Variants in KAZN observed in about 807,000 individuals in gnomAD.
The protein encoded by KAZN is kazrin.
Under a neutral mutation model 87.4 loss-of-function variants are expected in KAZN, and 40 were observed. The ratio of observed to expected loss-of-function variants is 0.46; its 90% CI spans 0.36 to 0.60. KAZN has a LOEUF of 0.60. Ranked by LOEUF, KAZN falls within the 20% of genes least tolerant of loss-of-function variation. The pLI is 0.00. For synonymous variants in KAZN, 466 were observed against 458.3 expected (o/e 1.02, Z -0.22); for missense variants, 898 against 1,073.9 (o/e 0.84, Z 2.29).
At chr1:14,905,445 C>G (rs1389319906) in intron 1 of KAZN, among the ~76,000 whole-genome samples, 1 of 152,194 alleles carries the variant, frequency 6.6e-6, no homozygotes, top group Non-Finnish European at 1.5e-5. Context: ...AAGGCCTGCA[C>G]TGGAAAAAGG....
chr1:14,931,954 G>A (rs982313687), intron 1 of KAZN, among the ~76,000 whole-genome samples: 1 of 152,134 alleles, frequency 6.6e-6, no homozygotes, highest in Non-Finnish European at 1.5e-5. Context: ...CTACTAGAAA[G>A]AGGCACGTGC....
At chr1:14,606,312 A>G (rs1193601739) in intron 1 of KAZN, among the ~76,000 whole-genome samples, 1 of 152,190 alleles carries the variant, frequency 6.6e-6, no homozygotes, top group Non-Finnish European at 1.5e-5. Context: ...ACTCCTGATT[A>G]AACTCCTGTT....
chr1:14,811,698 A>G (rs1276005357), intron 1 of KAZN, among the ~76,000 whole-genome samples: 1 of 152,206 alleles, frequency 6.6e-6, no homozygotes, highest in African/African-American at 2.4e-5. Flanking sequence ...TGAAACAAGA[A>G]TGCATCTTCA....
intron 2 of KAZN, among the ~76,000 whole-genome samples, chr1:14,277,300 G>C (rs1263638239): frequency 2.0e-5 from 3 of 151,980 alleles, no homozygotes; most frequent in African/African-American, 7.3e-5. Flanking sequence ...TAAAAGCTAC[G>C]GTCTCTTTTT....
intron 1 of KAZN, among the ~76,000 whole-genome samples, chr1:14,058,714 T>C (rs1224388224): frequency 6.6e-6 from 1 of 152,094 alleles, no homozygotes; most frequent in Non-Finnish European, 1.5e-5. Context: ...GAAGAAGTGA[T>C]TAGGGATGCC....
At position 15,053,497 on chromosome 1, in the gene KAZN, T is replaced by C. The variant is rs888956370; in HGVS notation, c.727-2594T>C. Among the ~76,000 whole-genome samples the C allele has an allele frequency of 2.6e-5, 4 of 152,328 alleles. No individual in the cohort carries two copies. The East Asian group carries it at 7.7e-4, about 29-fold the overall frequency. On this transcript the variant is annotated intron_variant, in intron 4 of 14. Transcript: ENST00000376030. ...ATTTATCCTGCAGGTTCTTACAGCA[T>C]GCATCCTGGATGTGCTGAGCCCCAG...
intron 2 of KAZN, among the ~76,000 whole-genome samples, chr1:14,475,367 G>A (rs112188751): frequency 6.6e-4 from 100 of 152,192 alleles, no homozygotes; most frequent in African/African-American, 2.2e-3. Context: ...ATATACGTTC[G>A]GAAAATAATG....
intron 1 of KAZN, among the ~76,000 whole-genome samples, chr1:14,846,527 T>C (rs747334524): frequency 2.6e-5 from 4 of 152,116 alleles, no homozygotes; most frequent in Non-Finnish European, 4.4e-5. Context: ...CAAAAAAACC[T>C]AGATATGGAA....
chr1:14,939,746 T>C (rs763313661), intron 1 of KAZN, among the ~76,000 whole-genome samples: 3 of 152,132 alleles, frequency 2.0e-5, no homozygotes, highest in African/African-American at 4.8e-5. Context: ...TGAGCTTTGT[T>C]GTCCACGGCA....
intron 2 of KAZN, among the ~76,000 whole-genome samples, chr1:14,190,340 T>G (rs1646397939): frequency 1.3e-5 from 2 of 152,146 alleles, no homozygotes; most frequent in Admixed American, 6.5e-5. Flanking sequence ...ATTATCTCAT[T>G]TAATACCCCC....
intron 1 of KAZN, among the ~76,000 whole-genome samples, chr1:14,887,158 TC>T (rs1343566214): frequency 6.6e-6 from 1 of 152,248 alleles, no homozygotes; most frequent in African/African-American, 2.4e-5. Flanking sequence ...TTTTCCCATT[TC>T]CTTCCTGCTT....
intron 2 of KAZN, among the ~76,000 whole-genome samples, chr1:14,584,836 G>A (rs1310684925): frequency 6.6e-6 from 1 of 152,142 alleles, no homozygotes; most frequent in East Asian, 1.9e-4. Flanking sequence ...TAGAGATGCG[G>A]TTTTCCACAT....
At chr1:14,391,169 G>A (rs1208140397) in intron 2 of KAZN, among the ~76,000 whole-genome samples, 1 of 152,158 alleles carries the variant, frequency 6.6e-6, no homozygotes, top group Non-Finnish European at 1.5e-5. Flanking sequence ...TTGGACTCCA[G>A]GGGAGCCTGA....
chr1:14,553,282 A>T (rs1673655602), intron 2 of KAZN, among the ~76,000 whole-genome samples: 1 of 152,266 alleles, frequency 6.6e-6, no homozygotes, highest in African/African-American at 2.4e-5. Flanking sequence ...GAGACGCTTG[A>T]ACTGGGAGGT....
intron 2 of KAZN, among the ~76,000 whole-genome samples, chr1:14,214,881 C>G (rs1646928092): frequency 6.6e-6 from 1 of 152,144 alleles, no homozygotes; most frequent in Non-Finnish European, 1.5e-5. Context: ...AAGACACAGC[C>G]CCTATCCTCA....
intron 1 of KAZN, among the ~76,000 whole-genome samples, chr1:13,959,046 C>T (rs1641655132): frequency 6.6e-6 from 1 of 152,152 alleles, no homozygotes; most frequent in South Asian, 2.1e-4. Context: ...ATTTTCACTC[C>T]CACCATCATG....
At chr1:15,063,931 T>C (rs531703875) in intron 7 of KAZN, among the ~76,000 whole-genome samples, 3 of 152,348 alleles carry the variant, frequency 2.0e-5, no homozygotes, top group Non-Finnish European at 4.4e-5. Context: ...TCAGGTGGGC[T>C]GGGGCCTGAG....
intron 2 of KAZN, among the ~76,000 whole-genome samples, chr1:14,268,117 AAGCCAATGC>A (rs1375971776): frequency 6.6e-6 from 1 of 152,182 alleles, no homozygotes; most frequent in Non-Finnish European, 1.5e-5. Flanking sequence ...CAATCAAGCT[AAGCCAATGC>A]AGCTAGTTCC....
At chr1:14,099,202 C>T (rs1216683387) in intron 1 of KAZN, among the ~76,000 whole-genome samples, 1 of 152,132 alleles carries the variant, frequency 6.6e-6, no homozygotes, top group Non-Finnish European at 1.5e-5. Context: ...GCTTTAATCT[C>T]AGGATGGCAC....
Sources: gnomAD v4.1 joint callset for allele counts (sites outside exome capture counted in the v4.1 genomes callset) on GRCh38, gnomAD v4.1.1 for gene constraint, MANE v1.5 for transcripts, NCBI Gene and HGNC (gene_info 2026-07-23, HGNC 2026-07-21) for gene names.